MAPRE2: variants seen among roughly 807,000 people sequenced by gnomAD.
MAPRE2 encodes microtubule-associated protein RP/EB family member 2.
MAPRE2 carries 13 observed loss-of-function variants against 43.2 expected under a neutral mutation model. The observed-to-expected ratio is 0.30, with a 90% CI of 0.20 to 0.48. The LOEUF is 0.48. MAPRE2 is among the 20% of genes least tolerant of loss of function. The pLI is 0.99. For missense variants in MAPRE2, 161 were observed against 400.2 expected (o/e 0.40, Z 5.10); for synonymous variants, 135 against 148.8 (o/e 0.91, Z 0.68).
chr18:35,006,802 A>C (rs745812548), intron 2 of MAPRE2, among the ~76,000 whole-genome samples: 26 of 152,172 alleles, frequency 1.7e-4, no homozygotes, highest in Non-Finnish European at 3.2e-4. Context: ...GTCTCTACTA[A>C]AAATATAAAA....
chr18:34,991,370 A>C (rs1322494556), intron 1 of MAPRE2, among the ~76,000 whole-genome samples: 2 of 152,186 alleles, frequency 1.3e-5, no homozygotes, highest in African/African-American at 4.8e-5. Context: ...GGAGAGACCG[A>C]GTAGAGCTTT....
chr18:35,034,266 G>A (rs921396452), intron 2 of MAPRE2, among the ~76,000 whole-genome samples: 8 of 152,154 alleles, frequency 5.3e-5, no homozygotes, highest in Non-Finnish European at 8.8e-5. Flanking sequence ...ATGGGGAAAG[G>A]ATACCCTATT....
chr18:35,117,541 A>G (rs1909469626), intron 4 of MAPRE2, among the ~76,000 whole-genome samples: 1 of 152,204 alleles, frequency 6.6e-6, no homozygotes, highest in African/African-American at 2.4e-5. Context: ...GGAGTGCAGT[A>G]GCACCCTTGA....
At chr18:35,124,561 A>T (rs1569012950) in intron 4 of MAPRE2, among the ~76,000 whole-genome samples, 1 of 152,218 alleles carries the variant, frequency 6.6e-6, no homozygotes, top group Non-Finnish European at 1.5e-5. Flanking sequence ...TAGAGAACAA[A>T]GACTGCATCT....
chr18:35,104,108 G>A (rs1908797774), intron 4 of MAPRE2, among the ~76,000 whole-genome samples: 2 of 152,156 alleles, frequency 1.3e-5, no homozygotes, highest in South Asian at 2.1e-4. Flanking sequence ...AACAAAAACC[G>A]TAGGAAATTT....
chr18:35,031,855 G>A (rs1391343836), intron 2 of MAPRE2, among the ~76,000 whole-genome samples: 1 of 152,054 alleles, frequency 6.6e-6, no homozygotes, highest in Non-Finnish European at 1.5e-5. Context: ...TTCATCTGGA[G>A]GAAAACATTA....
chr18:35,057,770 T>A (rs1393711776), intron 1 of MAPRE2, among the ~76,000 whole-genome samples: 1 of 152,072 alleles, frequency 6.6e-6, no homozygotes, highest in Non-Finnish European at 1.5e-5. Flanking sequence ...TACAGGGAAA[T>A]CCATTCTCTG....
At chr18:35,006,789 C>A (rs890748012) in intron 2 of MAPRE2, among the ~76,000 whole-genome samples, 23 of 152,084 alleles carry the variant, frequency 1.5e-4, no homozygotes, top group African/African-American at 4.1e-4. Context: ...ATGGCAAAAC[C>A]CTGTCTCTAC....
At chr18:35,106,168 T>G (rs1398116072) in intron 4 of MAPRE2, among the ~76,000 whole-genome samples, 2 of 152,188 alleles carry the variant, frequency 1.3e-5, no homozygotes, top group African/African-American at 4.8e-5. Context: ...GCAGTAATTT[T>G]GTTCCCACCT....
In MAPRE2 at chr18:35,121,633, G is replaced by GA. The variant is rs202059567; in HGVS notation, c.611-5306dup. 4.8e-3 allele frequency among the ~76,000 whole-genome samples: 728 copies of GA among 151,632 alleles called. 4 individuals carry two copies. Among genetic ancestry groups the GA allele is most frequent in the Middle Eastern group, 0.017 (5 of 294 alleles). On this transcript the variant is annotated intron_variant, in intron 4 of 6. Transcript: ENST00000300249. ...TTTGAAATGTTTGAATCAGCTGCAA[G>GA]AAAAAAAAATCTATATCTGTATTAC...
chr18:35,081,027 G>T (rs1907605531), intron 2 of MAPRE2, among the ~76,000 whole-genome samples: 1 of 152,178 alleles, frequency 6.6e-6, no homozygotes, highest in African/African-American at 2.4e-5. Flanking sequence ...GCATGAGGAG[G>T]ATCGTTCTCC....
chr18:35,055,563 G>GTGTGTGTGTGTA (rs1365436801), intron 1 of MAPRE2, among the ~76,000 whole-genome samples: 1 of 124,932 alleles, frequency 8.0e-6, no homozygotes, highest in Non-Finnish European at 1.7e-5. Flanking sequence ...GTGTGTGTGT[G>GTGTGTGTGTGTA]TATGTGTGTG....
intron 2 of MAPRE2, among the ~76,000 whole-genome samples, chr18:35,079,415 C>T (rs182922363): frequency 6.6e-6 from 1 of 152,186 alleles, no homozygotes; most frequent in African/African-American, 2.4e-5. Flanking sequence ...ACTTCTCCAA[C>T]CCCTTCTTTA....
At position 34,986,515 on chromosome 18, in the gene MAPRE2, G is replaced by A. The variant is rs572704425; in HGVS notation, c.-70+9436G>A. 1.7e-3 allele frequency among the ~76,000 whole-genome samples: 261 copies of A among 152,228 alleles called. 5 individuals are homozygous for A. The highest frequency in any genetic ancestry group is 5.6e-3 in the African/African-American group (233 of 41,528). On this transcript the variant is annotated intron_variant, in intron 1 of 7. Coordinates refer to the MAPRE2 transcript ENST00000413393. ...GCTATTGATATAAGTAAGGCTCTTC[G>A]GTAGTTTCACTTCCAGCTTGCCCTC... is the stretch of plus-strand genomic sequence containing the variant.
intron 2 of MAPRE2, among the ~76,000 whole-genome samples, chr18:35,024,884 A>G (rs1389767162): frequency 2.0e-5 from 3 of 152,174 alleles, no homozygotes; most frequent in African/African-American, 7.2e-5. Flanking sequence ...AGCTATTAAT[A>G]CAATGATGAA....
At chr18:35,029,754 T>C (rs573269) in intron 2 of MAPRE2, among the ~76,000 whole-genome samples, 110,139 of 152,080 alleles carry the variant, frequency 0.72, 40,460 homozygotes, top group African/African-American at 0.86. Context: ...AGCTGTCCTA[T>C]GCAGTCACTT....
At chr18:35,127,722 G>A (rs2144239455) in intron 5 of MAPRE2, 1 of 152,328 alleles carries the variant, frequency 6.6e-6, no homozygotes, top group South Asian at 2.1e-4. Context: ...GGGTGCTGCA[G>A]GAGCACCGAA....
At chr18:35,104,921 G>A (rs1191445670) in intron 4 of MAPRE2, among the ~76,000 whole-genome samples, 4 of 152,032 alleles carry the variant, frequency 2.6e-5, no homozygotes, top group East Asian at 1.9e-4. Flanking sequence ...GCTTGGACTC[G>A]AAACTCAACT....
At chr18:35,116,260 G>A (rs1033698434) in intron 4 of MAPRE2, among the ~76,000 whole-genome samples, 4 of 152,348 alleles carry the variant, frequency 2.6e-5, no homozygotes, top group Non-Finnish European at 5.9e-5. Context: ...AGACAAGGAT[G>A]CTGAAGTCGA....
Sources: gnomAD v4.1 joint callset for allele counts (sites outside exome capture counted in the v4.1 genomes callset) on GRCh38, gnomAD v4.1.1 for gene constraint, MANE v1.5 for transcripts, NCBI Gene and HGNC (gene_info 2026-07-23, HGNC 2026-07-21) for gene names.